Variants in NKAIN2 observed in about 807,000 individuals in gnomAD.
NKAIN2 encodes the protein sodium/potassium transporting ATPase interacting 2.
In NKAIN2, 14 loss-of-function variants were observed where a neutral mutation model predicts 32.6. That is an observed-to-expected ratio of 0.43 (90% confidence interval 0.28 to 0.67). The LOEUF is 0.67. NKAIN2 is among the 30% of genes least tolerant of loss of function. NKAIN2 has a pLI of 0.17. For synonymous variants in NKAIN2, 80 were observed against 87.2 expected, an observed-to-expected ratio of 0.92 and a Z score of 0.46; for missense variants, 198 against 258.3, an observed-to-expected ratio of 0.77 and a Z score of 1.60.
intron 3 of NKAIN2, among the ~76,000 whole-genome samples, chr6:124,637,831 C>T (rs1783830458): frequency 6.6e-6 from 1 of 152,064 alleles, no homozygotes; most frequent in African/African-American, 2.4e-5. Flanking sequence ...AAATGACCAT[C>T]ATATCCAAAG....
chr6:124,059,321 A>G (rs1266461532), intron 1 of NKAIN2, among the ~76,000 whole-genome samples: 2 of 152,078 alleles, frequency 1.3e-5, no homozygotes, highest in Non-Finnish European at 2.9e-5. Context: ...TTGTTCGGTT[A>G]TGCTATAGTC....
At position 123,917,962 on chromosome 6, in the gene NKAIN2, G is replaced by A. The variant is rs143709781; in HGVS notation, c.54+113708G>A. On this transcript the variant is annotated intron_variant, in intron 1 of 6. Coordinates refer to ENST00000368417, the MANE Select transcript of NKAIN2 (RefSeq NM_001040214.3). ...AAGCTGGGAGTTAAACATAGCCACC[G>A]TTGTTAAATATGAAATTATATAAAC... Among the ~76,000 whole-genome samples, 693 of 152,174 alleles carry A rather than the reference G, an allele frequency of 4.6e-3. 5 individuals carry two copies. Among genetic ancestry groups the A allele is most frequent in the African/African-American group, 0.016 (654 of 41,534 alleles).
At position 124,082,600 on chromosome 6, in the gene NKAIN2, C is replaced by T. The variant is rs1049807477; in HGVS notation, c.55-200405C>T. On this transcript the variant is annotated intron_variant, in intron 1 of 6. Coordinates refer to ENST00000368417, the MANE Select transcript of NKAIN2 (RefSeq NM_001040214.3). ...TTAGAACAATAGAATAATTTATATG[C>T]CTGCTTCAAATGTTTGTTTATGACA... 3.6e-4 allele frequency among the ~76,000 whole-genome samples: 55 copies of T among 151,536 alleles called. 1 individual carries two copies. Among genetic ancestry groups the T allele is most frequent in the African/African-American group, 1.3e-3 (54 of 41,366 alleles).
At chr6:124,361,525 T>C (rs1799288508) in intron 3 of NKAIN2, among the ~76,000 whole-genome samples, 1 of 152,076 alleles carries the variant, frequency 6.6e-6, no homozygotes, top group Non-Finnish European at 1.5e-5. Context: ...GATGCAGGTA[T>C]ATCTCTCTCA....
chr6:124,749,016 G>T (rs1308814082), intron 4 of NKAIN2, among the ~76,000 whole-genome samples: 1 of 151,932 alleles, frequency 6.6e-6, no homozygotes, highest in East Asian at 1.9e-4. Flanking sequence ...TGTTAGCAGG[G>T]CTGCATTCTT....
chr6:124,788,300 A>G (rs1007614988), intron 4 of NKAIN2, among the ~76,000 whole-genome samples: 1 of 152,098 alleles, frequency 6.6e-6, no homozygotes, highest in African/African-American at 2.4e-5. Flanking sequence ...AACAGCCTCA[A>G]TAAAAAAGTG....
chr6:123,808,641 A>G (rs1411666540), intron 1 of NKAIN2, among the ~76,000 whole-genome samples: 2 of 152,182 alleles, frequency 1.3e-5, no homozygotes, highest in East Asian at 3.9e-4. Flanking sequence ...AAGTCAACCC[A>G]TGTGGAGCTG....
chr6:124,355,834 G>C (rs1301306505), intron 3 of NKAIN2, among the ~76,000 whole-genome samples: 1 of 152,096 alleles, frequency 6.6e-6, no homozygotes, highest in Non-Finnish European at 1.5e-5. Context: ...TTCTAAATAG[G>C]CTAGGAAAAC....
intron 3 of NKAIN2, among the ~76,000 whole-genome samples, chr6:124,449,492 C>T (rs1776016330): frequency 6.6e-6 from 1 of 151,984 alleles, no homozygotes; most frequent in Non-Finnish European, 1.5e-5. Context: ...AGTGACAAAC[C>T]TACAGATTGA....
intron 3 of NKAIN2, among the ~76,000 whole-genome samples, chr6:124,495,383 T>TTTG (rs538949841): frequency 6.6e-4 from 101 of 152,074 alleles, no homozygotes; most frequent in African/African-American, 1.7e-3. Context: ...GTTTGTTTGC[T>TTTG]TTGTTGTTGT....
intron 2 of NKAIN2, among the ~76,000 whole-genome samples, chr6:124,316,865 C>A (rs1363493416): frequency 2.0e-5 from 3 of 152,052 alleles, no homozygotes; most frequent in African/African-American, 7.2e-5. Flanking sequence ...GAATTCAGCA[C>A]CTTCTGGATT....
intron 1 of NKAIN2, among the ~76,000 whole-genome samples, chr6:124,237,062 A>C (rs1447642798): frequency 1.3e-5 from 2 of 152,206 alleles, no homozygotes; most frequent in Non-Finnish European, 2.9e-5. Flanking sequence ...ATTCTAGTTT[A>C]ATCAAGGGAA....
intron 2 of NKAIN2, among the ~76,000 whole-genome samples, chr6:124,314,932 G>A (rs998024697): frequency 6.6e-6 from 1 of 152,062 alleles, no homozygotes; most frequent in East Asian, 1.9e-4. Flanking sequence ...CTGGTGCCTA[G>A]TATCAATATT....
intron 1 of NKAIN2, among the ~76,000 whole-genome samples, chr6:124,086,206 TA>T (rs1319485910): frequency 9.2e-5 from 14 of 151,990 alleles, no homozygotes; most frequent in South Asian, 6.2e-4. Context: ...TCCCAACTCA[TA>T]TAAACCTTTT....
At chr6:124,730,696 C>A (rs1014905084) in intron 4 of NKAIN2, among the ~76,000 whole-genome samples, 6 of 150,318 alleles carry the variant, frequency 4.0e-5, no homozygotes, top group South Asian at 2.1e-4. Flanking sequence ...CAACAAAAGA[C>A]AAAATTGACA....
At chr6:124,713,985 G>A (rs887628042) in intron 4 of NKAIN2, among the ~76,000 whole-genome samples, 2 of 152,184 alleles carry the variant, frequency 1.3e-5, no homozygotes, top group African/African-American at 4.8e-5. Context: ...TTTGGACAAA[G>A]TCTAGCTGTT....
chr6:124,158,685 T>A (rs1056214780), intron 1 of NKAIN2, among the ~76,000 whole-genome samples: 2 of 152,166 alleles, frequency 1.3e-5, no homozygotes, highest in African/African-American at 4.8e-5. Context: ...TAAATCCCCT[T>A]GACTAATGAA....
chr6:124,584,234 A>G (rs949095607), intron 3 of NKAIN2, among the ~76,000 whole-genome samples: 6 of 152,246 alleles, frequency 3.9e-5, no homozygotes, highest in African/African-American at 9.6e-5. Context: ...AAACATTTGC[A>G]AACTACCCAT....
At chr6:123,925,407 C>T (rs1775963171) in intron 1 of NKAIN2, among the ~76,000 whole-genome samples, 1 of 152,150 alleles carries the variant, frequency 6.6e-6, no homozygotes, top group Non-Finnish European at 1.5e-5. Context: ...TTGACTAGAA[C>T]TGTTTTCAAT....
Sources: allele counts gnomAD v4.1 joint callset (sites outside exome capture counted in the v4.1 genomes callset), GRCh38; gene constraint gnomAD v4.1.1; transcripts MANE v1.5; gene names NCBI Gene and HGNC (gene_info 2026-07-23, HGNC 2026-07-21).